Variants in DPF3 observed in about 807,000 individuals in gnomAD.
The protein encoded by DPF3 is zinc finger protein DPF3.
DPF3 carries 18 observed loss-of-function variants against 56.8 expected under a neutral mutation model. The ratio of observed to expected loss-of-function variants is 0.32; its 90% CI spans 0.22 to 0.47. The LOEUF is 0.47. Among genes scored for constraint, DPF3 ranks in the 20% least tolerant of loss-of-function variants. The pLI is 1.00. For missense variants in DPF3, 403 were observed against 488.8 expected (o/e 0.82, Z 1.65); for synonymous variants, 188 against 180.2 (o/e 1.04, Z -0.35).
At chr14:72,682,044 T>C (rs1234550444) in intron 7 of DPF3, among the ~76,000 whole-genome samples, 2 of 151,978 alleles carry the variant, frequency 1.3e-5, no homozygotes, top group African/African-American at 2.4e-5. Flanking sequence ...AAAAACCTCA[T>C]CTCTACTAAA....
chr14:72,680,000 C>T (rs1452159241), intron 7 of DPF3, among the ~76,000 whole-genome samples: 1 of 152,166 alleles, frequency 6.6e-6, no homozygotes, highest in Non-Finnish European at 1.5e-5. Context: ...CTACCTCGGC[C>T]TAGCCTTTAA....
At chr14:72,763,276 A>G (rs187467291) in intron 2 of DPF3, among the ~76,000 whole-genome samples, 13 of 152,204 alleles carry the variant, frequency 8.5e-5, no homozygotes, top group Admixed American at 5.2e-4. Context: ...TAGAAGTGCA[A>G]AAGACCTAGA....
chr14:72,691,828 T>C (rs954540660), intron 7 of DPF3, among the ~76,000 whole-genome samples: 14 of 151,858 alleles, frequency 9.2e-5, no homozygotes, highest in African/African-American at 3.4e-4. Context: ...GAAGGCAGCA[T>C]CTGCAAGTCA....
chr14:72,752,968 C>T (rs1890641447), intron 3 of DPF3, among the ~76,000 whole-genome samples: 1 of 152,184 alleles, frequency 6.6e-6, no homozygotes, highest in South Asian at 2.1e-4. Flanking sequence ...GCACATCCTT[C>T]AGTTCTGTTG....
intron 3 of DPF3, among the ~76,000 whole-genome samples, chr14:72,737,648 G>A (rs962842798): frequency 2.6e-5 from 4 of 152,228 alleles, no homozygotes; most frequent in Non-Finnish European, 4.4e-5. Flanking sequence ...AAATATACAA[G>A]GAGAGGAGCT....
intron 2 of DPF3, among the ~76,000 whole-genome samples, chr14:72,764,781 G>A (rs990721395): frequency 7.2e-5 from 11 of 152,084 alleles, no homozygotes; most frequent in Non-Finnish European, 1.3e-4. Flanking sequence ...GTGAGCCACC[G>A]CGCCCGGCCT....
At chr14:72,715,130 T>A (rs573810472) in intron 5 of DPF3, among the ~76,000 whole-genome samples, 1 of 152,312 alleles carries the variant, frequency 6.6e-6, no homozygotes, top group African/African-American at 2.4e-5. Context: ...AGGGGTGGGC[T>A]TTGGCTAAGG....
intron 8 of DPF3, chr14:72,662,569 T>G (rs1886261545): frequency 2.0e-6 from 2 of 985,034 alleles, no homozygotes; most frequent in South Asian, 9.4e-5. Context: ...ATAATGAAGA[T>G]TTAAAAAGAA....
chr14:72,730,427 T>A (rs538798777), intron 4 of DPF3, among the ~76,000 whole-genome samples: 1 of 152,250 alleles, frequency 6.6e-6, no homozygotes, highest in East Asian at 1.9e-4. Flanking sequence ...TGGAAAAGAT[T>A]TGACAATTCA....
intron 3 of DPF3, among the ~76,000 whole-genome samples, chr14:72,748,515 T>C (rs1890420863): frequency 6.6e-6 from 1 of 152,172 alleles, no homozygotes; most frequent in Non-Finnish European, 1.5e-5. Context: ...TCAAGCTGGC[T>C]ACAGAAATTT....
intron 1 of DPF3, among the ~76,000 whole-genome samples, chr14:72,778,325 G>A (rs1000350492): frequency 6.6e-6 from 1 of 152,262 alleles, no homozygotes; most frequent in East Asian, 1.9e-4. Flanking sequence ...GGCAGCACTA[G>A]AGTCTCATAG....
intron 1 of DPF3, among the ~76,000 whole-genome samples, chr14:72,885,025 C>T (rs1401612063): frequency 1.5e-5 from 2 of 134,372 alleles, no homozygotes; most frequent in East Asian, 2.2e-4. Flanking sequence ...AGGCTGAGCC[C>T]GGGGAATGGG....
intron 1 of DPF3, among the ~76,000 whole-genome samples, chr14:72,812,506 G>C (rs1883095195): frequency 6.6e-6 from 1 of 152,128 alleles, no homozygotes; most frequent in Non-Finnish European, 1.5e-5. Context: ...AGGAGGTGGA[G>C]GCAGGGAGGC....
chr14:72,628,374 A>AT (rs910944505), intron 9 of DPF3, among the ~76,000 whole-genome samples: 2 of 134,946 alleles, frequency 1.5e-5, no homozygotes, highest in South Asian at 2.4e-4. Context: ...AGAATCAAGC[A>AT]TTTTTTTCCT....
At chr14:72,824,395 C>T (rs1883691135) in intron 1 of DPF3, among the ~76,000 whole-genome samples, 1 of 152,096 alleles carries the variant, frequency 6.6e-6, no homozygotes, top group African/African-American at 2.4e-5. Context: ...TCACCAGTAT[C>T]TCCTTTCCCC....
chr14:72,686,090 A>G (rs1433845440), intron 7 of DPF3, among the ~76,000 whole-genome samples: 1 of 152,222 alleles, frequency 6.6e-6, no homozygotes, highest in Non-Finnish European at 1.5e-5. Context: ...CTTAATAAAT[A>G]TTCATAATGA....
At chr14:72,846,558 A>C (rs6574099) in intron 1 of DPF3, among the ~76,000 whole-genome samples, 1 of 151,000 alleles carries the variant, frequency 6.6e-6, no homozygotes, top group Non-Finnish European at 1.5e-5. Flanking sequence ...GGATGGTCTC[A>C]ATCTCCTGAC....
intron 1 of DPF3, chr14:72,892,568 C>T: frequency 7.6e-7 from 1 of 1,321,926 alleles, no homozygotes; most frequent in Non-Finnish European, 9.6e-7. Flanking sequence ...CTGTGCATTC[C>T]TTTGCGTTAG....
At chr14:72,718,475 C>G (rs1293652794) in intron 5 of DPF3, among the ~76,000 whole-genome samples, 7 of 152,178 alleles carry the variant, frequency 4.6e-5, no homozygotes, top group Non-Finnish European at 1.0e-4. Flanking sequence ...CTCTCACGCT[C>G]TCACAGGCAT....
Sources: allele counts gnomAD v4.1 joint callset (sites outside exome capture counted in the v4.1 genomes callset), GRCh38; gene constraint gnomAD v4.1.1; transcripts MANE v1.5; gene names NCBI Gene and HGNC (gene_info 2026-07-23, HGNC 2026-07-21).